FHIT: variants seen among roughly 807,000 people sequenced by gnomAD.
FHIT encodes bis(5'-adenosyl)-triphosphatase.
Under a neutral mutation model 17.9 loss-of-function variants are expected in FHIT, and 19 were observed. That is an observed-to-expected ratio of 1.06 (90% CI 0.74 to 1.56). FHIT has a LOEUF of 1.56. FHIT is among the 40% of genes most tolerant of loss of function. FHIT has a pLI of 0.00. For missense variants in FHIT, 248 were observed against 189.2 expected, an observed-to-expected ratio of 1.31 and a Z score of -1.82; for synonymous variants, 81 against 69.7, an observed-to-expected ratio of 1.16 and a Z score of -0.81.
At chr3:61,033,221 T>G (rs1279649489) in intron 3 of FHIT, among the ~76,000 whole-genome samples, 1 of 152,200 alleles carries the variant, frequency 6.6e-6, no homozygotes, top group Non-Finnish European at 1.5e-5. Context: ...CCATCACTTG[T>G]GTCCTGCCAC....
intron 5 of FHIT, among the ~76,000 whole-genome samples, chr3:60,413,403 G>A (rs1702134995): frequency 6.6e-6 from 1 of 152,108 alleles, no homozygotes; most frequent in Non-Finnish European, 1.5e-5. Flanking sequence ...CGACTTCCCT[G>A]ATTTTAACAA....
At chr3:60,364,609 G>A (rs1167713017) in intron 5 of FHIT, among the ~76,000 whole-genome samples, 2 of 152,168 alleles carry the variant, frequency 1.3e-5, no homozygotes, top group African/African-American at 4.8e-5. Context: ...AACACAGAAG[G>A]CTATATGTGT....
chr3:59,997,985 G>T (rs1216896007), intron 7 of FHIT, among the ~76,000 whole-genome samples: 5 of 152,066 alleles, frequency 3.3e-5, no homozygotes, highest in Admixed American at 2.0e-4. Context: ...TCAACACAGG[G>T]TATCAAGGGA....
chr3:60,057,254 A>G (rs1702118456), intron 5 of FHIT, among the ~76,000 whole-genome samples: 1 of 152,176 alleles, frequency 6.6e-6, no homozygotes, highest in Non-Finnish European at 1.5e-5. Flanking sequence ...AAAGAAGTAG[A>G]CTAGGGGAGT....
At chr3:60,942,648 T>C (rs1265699965) in intron 3 of FHIT, among the ~76,000 whole-genome samples, 5 of 152,180 alleles carry the variant, frequency 3.3e-5, no homozygotes, top group Non-Finnish European at 1.5e-5. Flanking sequence ...TTTAAAATAA[T>C]CATTTTTTGC....
At chr3:60,503,968 A>C (rs895747279) in intron 5 of FHIT, among the ~76,000 whole-genome samples, 2 of 152,216 alleles carry the variant, frequency 1.3e-5, no homozygotes, top group Non-Finnish European at 2.9e-5. Flanking sequence ...TTTAAGAAAG[A>C]GCAAATAAGC....
intron 4 of FHIT, among the ~76,000 whole-genome samples, chr3:60,558,372 G>C (rs1386798344): frequency 1.3e-5 from 2 of 151,906 alleles, no homozygotes; most frequent in East Asian, 3.9e-4. Flanking sequence ...GCCTGAAGTA[G>C]GGTTGCTCCC....
chr3:61,119,899 A>G (rs9834789), intron 2 of FHIT, among the ~76,000 whole-genome samples: 2,437 of 152,312 alleles, frequency 0.016, 55 homozygotes, highest in African/African-American at 0.055. Context: ...GGCTGAGACT[A>G]TACCGCCAGC....
chr3:59,902,773 G>A (rs1704390104), intron 8 of FHIT, among the ~76,000 whole-genome samples: 1 of 152,152 alleles, frequency 6.6e-6, no homozygotes, highest in Non-Finnish European at 1.5e-5. Flanking sequence ...GCATGGAATA[G>A]TAGTTACCAA....
rs541732950 is a variant in FHIT, at chr3:59,956,056, A to C, written c.280-33642T>G. Among the ~76,000 whole-genome samples, 56 of 152,328 alleles carry C rather than the reference A, an allele frequency of 3.7e-4. No individual in the cohort carries two copies. The South Asian group carries it at 9.5e-3, about 26-fold the overall frequency. On this transcript the variant is annotated intron_variant, in intron 7 of 9. Transcript: ENST00000492590. Reference sequence around the variant, plus strand: ...TCTACTCACAAAAATCCTCTGGCACAGCTCTCTTCTTCTATCATTTGGCTG... The same window carrying C: ...TCTACTCACAAAAATCCTCTGGCACCGCTCTCTTCTTCTATCATTTGGCTG...
intron 5 of FHIT, among the ~76,000 whole-genome samples, chr3:60,399,530 G>A (rs2107184516): frequency 6.6e-6 from 1 of 152,266 alleles, no homozygotes; most frequent in South Asian, 2.1e-4. Context: ...TGGATCTGGA[G>A]TATAGAAACA....
chr3:60,259,065 A>G (rs990268519), intron 5 of FHIT, among the ~76,000 whole-genome samples: 2 of 151,932 alleles, frequency 1.3e-5, no homozygotes, highest in African/African-American at 4.8e-5. Flanking sequence ...AAAAAAAAAA[A>G]AAGACCTACC....
intron 5 of FHIT, among the ~76,000 whole-genome samples, chr3:60,497,992 G>A (rs189146155): frequency 2.0e-4 from 30 of 152,162 alleles, no homozygotes; most frequent in African/African-American, 7.2e-4. Flanking sequence ...GGCTTTGCAG[G>A]CCATATGGTC....
intron 5 of FHIT, among the ~76,000 whole-genome samples, chr3:60,320,899 A>C (rs979993379): frequency 1.3e-5 from 2 of 152,204 alleles, no homozygotes; most frequent in African/African-American, 4.8e-5. Flanking sequence ...TGAAACCCAA[A>C]TCGTAATGAT....
At chr3:60,410,345 T>C (rs1024024256) in intron 5 of FHIT, among the ~76,000 whole-genome samples, 1 of 152,250 alleles carries the variant, frequency 6.6e-6, no homozygotes, top group East Asian at 1.9e-4. Flanking sequence ...AGTCTATGTC[T>C]AAAGAGGAGA....
intron 5 of FHIT, among the ~76,000 whole-genome samples, chr3:60,504,528 T>A (rs1298196775): frequency 6.6e-6 from 1 of 152,300 alleles, no homozygotes; most frequent in Non-Finnish European, 1.5e-5. Context: ...ATCACAGTAA[T>A]TTGTTAAATA....
At chr3:60,222,015 A>T (rs1703983997) in intron 5 of FHIT, among the ~76,000 whole-genome samples, 1 of 151,292 alleles carries the variant, frequency 6.6e-6, no homozygotes, top group African/African-American at 2.4e-5. Flanking sequence ...TCCTATTATC[A>T]CCTCCCCAGT....
At chr3:60,976,358 C>T (rs933458770) in intron 3 of FHIT, among the ~76,000 whole-genome samples, 7 of 151,972 alleles carry the variant, frequency 4.6e-5, no homozygotes, top group South Asian at 2.1e-4. Context: ...CTGCCCACCT[C>T]GGCCTCCCAA....
At position 60,536,898 on chromosome 3, in the gene FHIT, G is replaced by A; in HGVS notation, c.65C>T (p.Ser22Phe). 1 of 1,613,220 alleles carries A rather than the reference G, an allele frequency of 6.2e-7. No individual in the cohort carries two copies. Among genetic ancestry groups the A allele is most frequent in the Non-Finnish European group, 8.5e-7 (1 of 1,179,682 alleles). The part of the protein sequence containing the change: ...PSVVFLKTEL[S>F]FALVNRKPVV... ...AGGTTTCCTATTCACAAGAGCGAAG[G>A]ACAGTTCTGTTTTGAGAAACACTAC... Residue 22 changes from serine (S) to phenylalanine (F), a missense_variant, in exon 5 of 10, where the codon TCC (serine) becomes TTC (phenylalanine). By Grantham distance (155) the Ser-to-Phe change is radical (BLOSUM62 -2). Transcript: ENST00000492590.
Sources: allele counts gnomAD v4.1 joint callset (sites outside exome capture counted in the v4.1 genomes callset), GRCh38; gene constraint gnomAD v4.1.1; transcripts MANE v1.5; gene names NCBI Gene and HGNC (gene_info 2026-07-23, HGNC 2026-07-21).